The following SSB variants were observed in gnomAD, a reference collection of about 807,000 sequenced individuals.
SSB encodes the protein lupus La protein.
A neutral mutation model predicts 52.9 loss-of-function variants in SSB; 17 were observed. That is an observed-to-expected ratio of 0.32 (90% confidence interval 0.22 to 0.48). The LOEUF (loss-of-function observed/expected upper bound fraction) is 0.48, where lower values mean the gene tolerates loss of function less well. SSB is among the 20% of genes least tolerant of loss of function. SSB has a pLI of 0.99. For missense variants in SSB, 314 were observed against 463.6 expected, an observed-to-expected ratio of 0.68 and a Z score of 2.96; for synonymous variants, 111 against 152.1, an observed-to-expected ratio of 0.73 and a Z score of 1.99.
At chr2:169,807,490 T>C (rs1689852915) in intron 6 of SSB, among the ~76,000 whole-genome samples, 1 of 152,122 alleles carries the variant, frequency 6.6e-6, no homozygotes, top group Non-Finnish European at 1.5e-5. Context: ...AGTTTCACCA[T>C]GTTGGCCAGG....
Position 169,811,328 on chromosome 2 carries a change from G to GT in SSB, c.1138+13dup, listed in dbSNP as rs757688549. On this transcript the variant is annotated splice_donor_region_variant and intron_variant, in intron 11 of 11. Coordinates refer to ENST00000260956, the MANE Select transcript of SSB (RefSeq NM_003142.5). ...ATGATGAAAATGGTGCAACTGGTAA[G>GT]TTTTTTTTAAGTCCTTTGGTAGTTT... 1.1e-5 allele frequency: 17 copies of GT among 1,563,254 alleles called. No homozygotes were observed. The highest frequency in any genetic ancestry group is 8.7e-5 in the Admixed American group (4 of 45,868).
chr2:169,811,375 A>G (rs1024115974), intron 11 of SSB, 52 bp downstream of exon 11: 19 of 1,489,258 alleles, frequency 1.3e-5, no homozygotes, highest in Non-Finnish European at 1.6e-5. Context: ...TTCTACTTCC[A>G]TAAATAAATG....
At chr2:169,809,313 G>A (rs1427783253) in intron 8 of SSB, among the ~76,000 whole-genome samples, 2 of 152,146 alleles carry the variant, frequency 1.3e-5, no homozygotes, top group African/African-American at 4.8e-5. Flanking sequence ...CCCAGGAGGC[G>A]GAGGTTGCAG....
chr2:169,810,387 A>C lies in SSB; in HGVS notation c.774A>C (p.Glu258Asp), dbSNP rs763919441. ...DLHILFSNHGEIKWIDFVRGA... is the reference protein window; with the variant it reads ...DLHILFSNHGDIKWIDFVRGA... ...ACATACTTTTCTCAAATCATGGTGA[A>C]ATAAAATGGATAGACTTCGTCAGAG... The change falls in exon 9 of 12, where the codon GAA becomes GAC. Residue 258 changes from glutamate (E) to aspartate (D), a missense_variant. Transcript: ENST00000260956. 9.9e-6 allele frequency: 16 copies of C among 1,610,026 alleles called. No homozygotes were observed. In the South Asian group the frequency reaches 1.6e-4, roughly 16 times the overall value.
Position 169,798,946 on chromosome 2 carries a change from G to T in SSB, c.-40G>T, listed in dbSNP as rs1436011391. The T allele has an allele frequency of 6.6e-6, 1 of 152,386 alleles. No individual in the cohort carries two copies. The highest frequency in any genetic ancestry group is 1.5e-5 in the Non-Finnish European group (1 of 68,230). The allele number at this position is 152,386 out of a possible 1,614,324, so 9.4% of individuals were successfully genotyped here. On this transcript the variant is annotated 5_prime_UTR_variant, in exon 1 of 12. Coordinates refer to ENST00000260956, the MANE Select transcript of SSB (RefSeq NM_003142.5). ...TTGCTGTTGCTGTTTGTGAGCCTGT[G>T]GCGCGGCTTCTGTGGGCCGGAACCT...
chr2:169,810,154 G>A, intron 8 of SSB, 129 bp from the exon 9 acceptor site: 1 of 494,702 alleles, frequency 2.0e-6, no homozygotes, highest in Non-Finnish European at 3.4e-6. Context: ...TGCCCCGGCG[G>A]AAGAAACTAC....
chr2:169,806,370 T>G (rs771948856), intron 4 of SSB, among the ~76,000 whole-genome samples: 9 of 152,248 alleles, frequency 5.9e-5, no homozygotes, highest in Non-Finnish European at 1.2e-4. Flanking sequence ...TTTGACATAT[T>G]CTAAGCACCT....
chr2:169,811,896 T>C lies in SSB; in HGVS notation c.*140T>C. On this transcript the variant is annotated 3_prime_UTR_variant, in exon 12 of 12. Coordinates refer to ENST00000260956, the MANE Select transcript of SSB (RefSeq NM_003142.5). The stretch of plus-strand genomic sequence containing the variant: ...AAAAATTTTTTTGTTGTTTAACTTG[T>C]CTTTTTGTTATGCAAATGAGATTTC... 1.2e-6 allele frequency: 2 copies of C among 1,602,906 alleles called. No homozygotes were observed. Among genetic ancestry groups the C allele is most frequent in the Non-Finnish European group, 8.5e-7 (1 of 1,172,222 alleles).
At chr2:169,808,251 C>G (rs1015682308) in intron 6 of SSB, among the ~76,000 whole-genome samples, 11 of 152,036 alleles carry the variant, frequency 7.2e-5, no homozygotes, top group African/African-American at 2.2e-4. Context: ...TCAAGGTACA[C>G]TTTAAAAGAG....
intron 1 of SSB, among the ~76,000 whole-genome samples, chr2:169,799,755 A>G (rs947604267): frequency 1.3e-5 from 2 of 152,284 alleles, no homozygotes; most frequent in South Asian, 2.1e-4. Flanking sequence ...CCCCGTTGCA[A>G]GTGCTTCCTA....
At chr2:169,800,347 A>G (rs1203717200) in intron 1 of SSB, among the ~76,000 whole-genome samples, 1 of 152,090 alleles carries the variant, frequency 6.6e-6, no homozygotes, top group Non-Finnish European at 1.5e-5. Flanking sequence ...TCTGACCAAC[A>G]TGGTGAAACC....
At chr2:169,806,140 A>T (rs1488927343) in intron 4 of SSB, 5 of 333,724 alleles carry the variant, frequency 1.5e-5, no homozygotes, top group Non-Finnish European at 2.3e-5. Context: ...CTGGCAAAAA[A>T]TTTTTTGTAG....
At chr2:169,804,525 A>C (rs1478205947) in intron 2 of SSB, among the ~76,000 whole-genome samples, 1 of 151,898 alleles carries the variant, frequency 6.6e-6, no homozygotes, top group Non-Finnish European at 1.5e-5. Flanking sequence ...TGCTGGGATT[A>C]GGCATGAACC....
intron 4 of SSB, among the ~76,000 whole-genome samples, chr2:169,806,376 C>A (rs1180945068): frequency 6.6e-6 from 1 of 152,156 alleles, no homozygotes; most frequent in African/African-American, 2.4e-5. Context: ...ATATTCTAAG[C>A]ACCTATTGCC....
rs770808439 is a variant in SSB at position 169,811,870 on chromosome 2, GA to G, written c.*119del. On this transcript the variant is annotated 3_prime_UTR_variant, in exon 12 of 12. Coordinates refer to ENST00000260956, the MANE Select transcript of SSB (RefSeq NM_003142.5). ...ACTTCAATGTCCACCTGTGAGAAAG[GA>G]AAAATTTTTTTGTTGTTTAACTTGT... 6.2e-7 allele frequency: 1 copy of G among 1,611,604 alleles called. No individual in the cohort carries two copies. Among genetic ancestry groups the G allele is most frequent in the Admixed American group, 1.7e-5 (1 of 59,616 alleles).
In SSB at chr2:169,806,858, T is replaced by C. The variant is rs747558417; in HGVS notation, c.419T>C (p.Ile140Thr). The change falls in exon 5 of 12, where the codon ATT (isoleucine) becomes ACT (threonine). Residue 140 changes from isoleucine (I) to threonine (T), a missense_variant. By Grantham distance (89) the Ile-to-Thr change is moderately conservative. Transcript: ENST00000260956. ...WLEDKGQVLNIQMRRTLHKAF... is the reference protein window; with the variant it reads ...WLEDKGQVLNTQMRRTLHKAF... Reference sequence around the variant, plus strand: ...GAAGATAAAGGTCAAGTACTAAATATTCAGATGAGAAGAACATTGCATAAA... The same window carrying C: ...GAAGATAAAGGTCAAGTACTAAATACTCAGATGAGAAGAACATTGCATAAA... 2 of 1,613,404 alleles carry C rather than the reference T, an allele frequency of 1.2e-6. No individual in the cohort carries two copies. The highest frequency in any genetic ancestry group is 2.2e-5 in the South Asian group (2 of 90,844).
chr2:169,810,850 T>A lies in SSB; in HGVS notation c.811-8T>A. On this transcript the variant is annotated splice_region_variant and splice_polypyrimidine_tract_variant and intron_variant, in intron 9 of 11. Coordinates refer to ENST00000260956, the MANE Select transcript of SSB (RefSeq NM_003142.5). ...GGGTATGGCTTTTGTTTTCTGTCTCTGGTATAGGGGATAATTCTATTTAAA... is the reference window on the plus strand; with the variant it reads ...GGGTATGGCTTTTGTTTTCTGTCTCAGGTATAGGGGATAATTCTATTTAAA... The A allele has an allele frequency of 6.3e-7, 1 of 1,585,776 alleles. No homozygotes were observed. The highest frequency in any genetic ancestry group is 8.5e-7 in the Non-Finnish European group (1 of 1,171,920).
At chr2:169,799,975 G>A (rs1689673258) in intron 1 of SSB, among the ~76,000 whole-genome samples, 1 of 152,188 alleles carries the variant, frequency 6.6e-6, no homozygotes, top group Non-Finnish European at 1.5e-5. Context: ...GTAATTTCTA[G>A]CAAACTAATA....
At chr2:169,808,154 T>C (rs528791947) in intron 6 of SSB, among the ~76,000 whole-genome samples, 61 of 152,198 alleles carry the variant, frequency 4.0e-4, no homozygotes, top group Non-Finnish European at 7.8e-4. Context: ...ATGAAATTGC[T>C]AATGGATAGG....
Sources: allele counts gnomAD v4.1 joint callset (sites outside exome capture counted in the v4.1 genomes callset), GRCh38; gene constraint gnomAD v4.1.1; transcripts MANE v1.5; gene names NCBI Gene and HGNC (gene_info 2026-07-23, HGNC 2026-07-21).